CEP70: variants seen among roughly 807,000 people sequenced by gnomAD.
CEP70 encodes the protein centrosomal protein 70.
CEP70 carries 70 observed loss-of-function variants against 90.9 expected under a neutral mutation model. The observed-to-expected ratio is 0.77, with a 90% CI of 0.64 to 0.94. CEP70 has a LOEUF of 0.94. Among genes scored for constraint, CEP70 ranks in the 40% least tolerant of loss-of-function variants. The pLI is 0.00. For missense variants in CEP70, 648 were observed against 669.0 expected (o/e 0.97, Z 0.35); for synonymous variants, 220 against 228.3 (o/e 0.96, Z 0.33).
intron 6 of CEP70, among the ~76,000 whole-genome samples, chr3:138,556,397 G>A (rs2108002280): frequency 6.6e-6 from 1 of 151,950 alleles, no homozygotes; most frequent in East Asian, 1.9e-4. Context: ...GCATGGTGGT[G>A]GGAGCCTGTA....
rs765661537 is a variant in CEP70 at position 138,505,348 on chromosome 3, C to T, written c.1168G>A (p.Glu390Lys). ...ATTTCTATTACAGGAACAAGATGCT[C>T]AAATCCACAATCTTGAACAAGATCT... is the stretch of plus-strand genomic sequence containing the variant. ...NKDLVQDCGF[E>K]HLVPVIEMWA... Residue 390 changes from glutamate (E) to lysine (K), a missense_variant, in exon 13 of 18, where the codon GAG (glutamate) becomes AAG (lysine). By Grantham distance (56) the Glu-to-Lys change is moderately conservative. Transcript: ENST00000264982. 5.6e-6 allele frequency: 9 copies of T among 1,612,610 alleles called. No homozygotes were observed. In the Middle Eastern group the frequency reaches 1.2e-3, roughly 207 times the overall value.
At chr3:138,550,844 T>C (rs1412138153) in intron 6 of CEP70, among the ~76,000 whole-genome samples, 1 of 152,070 alleles carries the variant, frequency 6.6e-6, no homozygotes, top group Non-Finnish European at 1.5e-5. Flanking sequence ...TAAAAGAAAA[T>C]GAACAAAGTC....
chr3:138,540,134 T>G (rs1374033612), intron 6 of CEP70, among the ~76,000 whole-genome samples: 1 of 151,866 alleles, frequency 6.6e-6, no homozygotes, highest in Non-Finnish European at 1.5e-5. Flanking sequence ...CATTAAGAAG[T>G]CGGCAAAGGA....
rs2035221989 is a variant in CEP70 at position 138,508,670 on chromosome 3, T to C, written c.945-126A>G. 6.0e-6 allele frequency: 4 copies of C among 666,020 alleles called. No individual in the cohort carries two copies. The East Asian group carries it at 1.1e-4, about 18-fold the overall frequency. The allele number at this position is 666,020 out of a possible 1,614,324, so 41.3% of individuals were successfully genotyped here. On this transcript the variant is annotated intron_variant, in intron 11 of 17. Transcript: ENST00000264982. The stretch of plus-strand genomic sequence containing the variant: ...TTATATCACTTTACTTATATGTGTG[T>C]GTGCACACATGTATGTATGTGTATG...
At chr3:138,538,821 T>C (rs2038508605) in intron 6 of CEP70, among the ~76,000 whole-genome samples, 2 of 152,156 alleles carry the variant, frequency 1.3e-5, no homozygotes, top group Admixed American at 1.3e-4. Context: ...TCTACTAAAG[T>C]TTTTTACTTC....
rs1261160542 is a variant in CEP70 at position 138,536,987 on chromosome 3, A to G, written c.635+191T>C. 8.2e-6 allele frequency: 3 copies of G among 365,586 alleles called. No homozygotes were observed. The East Asian group carries it at 1.2e-4, about 14-fold the overall frequency. The allele number at this position is 365,586 out of a possible 1,614,324, so 22.6% of individuals were successfully genotyped here. A position where few individuals can be genotyped will look rare whatever the true frequency, so the allele number is the denominator to read the frequency against. On this transcript the variant is annotated intron_variant, in intron 7 of 17. Transcript: ENST00000264982. ...AGTAAATGTTCAATTCCATTCTTCAAAGGACCTCTAGAACAAAAAAAAAAA... is the reference window on the plus strand; with the variant it reads ...AGTAAATGTTCAATTCCATTCTTCAGAGGACCTCTAGAACAAAAAAAAAAA...
At chr3:138,569,427 C>T (rs755981298) in intron 6 of CEP70, among the ~76,000 whole-genome samples, 3 of 152,166 alleles carry the variant, frequency 2.0e-5, no homozygotes, top group Non-Finnish European at 2.9e-5. Context: ...ACTCATACAA[C>T]TAAACATTAG....
chr3:138,573,685 T>C (rs1339790476), intron 2 of CEP70, among the ~76,000 whole-genome samples: 1 of 152,212 alleles, frequency 6.6e-6, no homozygotes, highest in African/African-American at 2.4e-5. Context: ...AAACACAGAC[T>C]ACATAATGAG....
intron 1 of CEP70, chr3:138,593,171 C>T (rs982652762): frequency 6.6e-6 from 1 of 152,220 alleles, no homozygotes; most frequent in Non-Finnish European, 1.5e-5. Context: ...AAGTACAAAA[C>T]TCATGCAGAG....
chr3:138,574,344 G>A lies in CEP70; in HGVS notation c.-5-1412C>T, dbSNP rs192671906. Among the ~76,000 whole-genome samples the A allele has an allele frequency of 2.8e-3, 431 of 152,322 alleles. 2 individuals are homozygous for A. The highest frequency in any genetic ancestry group is 8.9e-3 in the African/African-American group (371 of 41,580). ...CCATGGAGCCTTGCTCACTGCTAGC[G>A]CAGCAGTCCAAGATTGAACTGCAAG... On this transcript the variant is annotated intron_variant, in intron 2 of 17. Transcript: ENST00000264982.
At position 138,569,279 on chromosome 3, in the gene CEP70, C is replaced by G. The variant is rs75453905; in HGVS notation, c.465+1039G>C. On this transcript the variant is annotated intron_variant, in intron 6 of 17. Coordinates refer to ENST00000264982, the MANE Select transcript of CEP70 (RefSeq NM_024491.4). ...GCACACACTGAGGGGACTTCCAGAC[C>G]CTGCCTGATGAATACTGCTCCCTTT... 2.6e-5 allele frequency among the ~76,000 whole-genome samples: 4 copies of G among 152,234 alleles called. No homozygotes were observed. The East Asian group carries it at 7.7e-4, about 29-fold the overall frequency.
intron 12 of CEP70, 96 bp downstream of exon 12, chr3:138,508,343 G>A (rs1292712092): frequency 1.3e-6 from 1 of 783,530 alleles, no homozygotes. Flanking sequence ...TGAGGTGCAA[G>A]TATTCCTTAC....
rs531263722 is a variant in CEP70 at position 138,537,458 on chromosome 3, C to T, written c.466-111G>A. The stretch of plus-strand genomic sequence containing the variant: ...ATAGTTTCTACTGAGCTGTTTCATT[C>T]AAGAACTTCAGTATTGAGGCTGTTT... On this transcript the variant is annotated intron_variant, in intron 6 of 17. Coordinates refer to ENST00000264982, the MANE Select transcript of CEP70 (RefSeq NM_024491.4). The T allele has an allele frequency of 2.1e-4, 134 of 637,452 alleles. No individual in the cohort carries two copies. The African/African-American group carries it at 2.2e-3, about 11-fold the overall frequency. 39.5% of individuals were successfully genotyped at this position (637,452 alleles called of 1,614,324 possible).
chr3:138,501,368 C>T (rs939918532), intron 13 of CEP70, among the ~76,000 whole-genome samples: 2 of 152,116 alleles, frequency 1.3e-5, no homozygotes, highest in Admixed American at 1.3e-4. Flanking sequence ...CAAACATCAG[C>T]ACTATCCAAT....
At chr3:138,539,944 G>A (rs934612680) in intron 6 of CEP70, among the ~76,000 whole-genome samples, 2 of 152,102 alleles carry the variant, frequency 1.3e-5, no homozygotes, top group African/African-American at 2.4e-5. Flanking sequence ...AAAAGCAATT[G>A]CAACAGAAGC....
chr3:138,519,689 A>T (rs2036417707), intron 11 of CEP70, among the ~76,000 whole-genome samples: 1 of 152,210 alleles, frequency 6.6e-6, no homozygotes, highest in South Asian at 2.1e-4. Flanking sequence ...GAAGCAATAA[A>T]CATGGAAAGG....
At chr3:138,550,904 C>T (rs970035410) in intron 6 of CEP70, among the ~76,000 whole-genome samples, 4 of 152,198 alleles carry the variant, frequency 2.6e-5, no homozygotes, top group African/African-American at 9.6e-5. Flanking sequence ...GAATAGTTGT[C>T]ATGCCTGAGG....
chr3:138,540,483 A>G (rs2038669471), intron 6 of CEP70, among the ~76,000 whole-genome samples: 1 of 40,738 alleles, frequency 2.5e-5, no homozygotes, highest in South Asian at 6.4e-4. Context: ...GACTATGTAA[A>G]AAAAAAAAAA....
At chr3:138,561,196 C>A (rs555111235) in intron 6 of CEP70, among the ~76,000 whole-genome samples, 4 of 152,206 alleles carry the variant, frequency 2.6e-5, no homozygotes, top group African/African-American at 9.6e-5. Context: ...GAGGAAGGAA[C>A]AGACAGCAAT....
Sources: gnomAD v4.1 joint callset for allele counts (sites outside exome capture counted in the v4.1 genomes callset) on GRCh38, gnomAD v4.1.1 for gene constraint, MANE v1.5 for transcripts, NCBI Gene and HGNC (gene_info 2026-07-23, HGNC 2026-07-21) for gene names.